Variants in SNX1 observed in about 807,000 individuals in gnomAD.
SNX1 encodes sorting nexin 1.
Under a neutral mutation model 71.8 loss-of-function variants are expected in SNX1, and 36 were observed. That is an observed-to-expected ratio of 0.50 (90% confidence interval 0.38 to 0.66). The LOEUF (loss-of-function observed/expected upper bound fraction) is 0.66. Ranked by LOEUF, SNX1 falls within the 30% of genes least tolerant of loss-of-function variation. The pLI, the probability that SNX1 is intolerant of heterozygous loss-of-function variation, is 0.00. For synonymous variants in SNX1, 254 were observed against 240.7 expected (o/e 1.06, Z -0.51); for missense variants, 612 against 646.7 (o/e 0.95, Z 0.58).
At chr15:64,113,534 C>G (rs1355788448) in intron 2 of SNX1, among the ~76,000 whole-genome samples, 2 of 152,126 alleles carry the variant, frequency 1.3e-5, no homozygotes, top group African/African-American at 4.8e-5. Flanking sequence ...CTAAAGTGAT[C>G]TTGGGCCAGG....
At chr15:64,128,219 C>T (rs550509368) in intron 8 of SNX1, among the ~76,000 whole-genome samples, 11 of 152,150 alleles carry the variant, frequency 7.2e-5, no homozygotes, top group Non-Finnish European at 1.2e-4. Flanking sequence ...ACAGGCTATG[C>T]GTAGGCTAGT....
chr15:64,128,865 G>A (rs2081279017), intron 8 of SNX1, among the ~76,000 whole-genome samples: 1 of 152,054 alleles, frequency 6.6e-6, no homozygotes, highest in Non-Finnish European at 1.5e-5. Flanking sequence ...ACTAGATCCA[G>A]GTAGCACCCC....
At chr15:64,096,255 C>A in intron 1 of SNX1, 83 bp downstream of exon 1, 1 of 1,470,466 alleles carries the variant, frequency 6.8e-7, no homozygotes, top group Non-Finnish European at 9.1e-7. Context: ...GGAGGTTGGG[C>A]AGAGTGGGCC....
chr15:64,132,206 G>T, intron 11 of SNX1: 1 of 364,192 alleles, frequency 2.7e-6, no homozygotes, highest in Non-Finnish European at 5.2e-6. Context: ...CTTGAAGCAA[G>T]GTTGCTTACA....
intron 11 of SNX1, among the ~76,000 whole-genome samples, chr15:64,133,099 T>C (rs978105209): frequency 1.3e-5 from 2 of 152,180 alleles, no homozygotes; most frequent in African/African-American, 4.8e-5. Context: ...TGGGGAAGTG[T>C]GCCTCATGGC....
intron 4 of SNX1, among the ~76,000 whole-genome samples, chr15:64,120,863 T>A (rs924953768): frequency 3.9e-5 from 6 of 152,150 alleles, no homozygotes; most frequent in Admixed American, 6.5e-5. Context: ...AATTTTTTTT[T>A]AATTTGAACT....
intron 4 of SNX1, among the ~76,000 whole-genome samples, chr15:64,120,426 C>A (rs1595991677): frequency 6.6e-6 from 1 of 151,902 alleles, no homozygotes; most frequent in South Asian, 2.1e-4. Flanking sequence ...ATGTGCATCA[C>A]CATGCCTGGC....
At chr15:64,110,137 A>G (rs149533239) in intron 1 of SNX1, among the ~76,000 whole-genome samples, 2 of 152,220 alleles carry the variant, frequency 1.3e-5, no homozygotes. Context: ...TTTTAATGAC[A>G]TGAGAAAATG....
intron 1 of SNX1, among the ~76,000 whole-genome samples, chr15:64,112,152 C>G (rs2081083660): frequency 6.6e-6 from 1 of 152,164 alleles, no homozygotes; most frequent in South Asian, 2.1e-4. Context: ...AACAGTTTAG[C>G]TGAGGCTACA....
chr15:64,129,842 A>G lies in SNX1; in HGVS notation c.808-74A>G. On this transcript the variant is annotated intron_variant, in intron 8 of 14. Transcript: ENST00000559844. The surrounding 1 kb of genome is among the most constrained non-coding windows in gnomAD (Gnocchi z 4.4). ...CTGGCAAGTTTTGGCATGCCATCTG[A>G]TGGATACTAATTCTTCTGAACCTAA... 9.2e-7 allele frequency: 1 copy of G among 1,090,424 alleles called. No individual in the cohort carries two copies. Among genetic ancestry groups the G allele is most frequent in the Non-Finnish European group, 1.4e-6 (1 of 706,502 alleles). 67.5% of individuals were successfully genotyped at this position (1,090,424 alleles called of 1,614,324 possible).
rs1261838310 is a variant in SNX1 at position 64,140,900 on chromosome 15, G to C, written c.*3282G>C. ...ATACCCAGCCAGAGAATGTTATTTA[G>C]AAACCAAGATCTGGGTGCCAAATGT... On this transcript the variant is annotated 3_prime_UTR_variant, in exon 15 of 15. Transcript: ENST00000559844. 2.0e-5 allele frequency: 3 copies of C among 152,130 alleles called. No homozygotes were observed. The East Asian group carries it at 5.8e-4, about 29-fold the overall frequency. 9.4% of individuals were successfully genotyped at this position (152,130 alleles called of 1,614,324 possible). A position where few individuals can be genotyped will look rare whatever the true frequency, so the allele number is the denominator to read the frequency against.
intron 1 of SNX1, among the ~76,000 whole-genome samples, chr15:64,097,422 A>G (rs2080914578): frequency 6.6e-6 from 1 of 152,086 alleles, no homozygotes; most frequent in African/African-American, 2.4e-5. Context: ...AATTGGCCTT[A>G]GATTCCTTGC....
chr15:64,117,137 T>G (rs890981058), intron 2 of SNX1, among the ~76,000 whole-genome samples: 2 of 152,220 alleles, frequency 1.3e-5, no homozygotes, highest in Non-Finnish European at 2.9e-5. Context: ...TGGCTCCATT[T>G]TTTTCTAGCT....
At chr15:64,109,611 G>A (rs4104357) in intron 1 of SNX1, among the ~76,000 whole-genome samples, 123,384 of 151,854 alleles carry the variant, frequency 0.81, 50,470 homozygotes, top group East Asian at 0.86. Context: ...GGTTCAAGCA[G>A]TTCTCCCTGC....
intron 4 of SNX1, among the ~76,000 whole-genome samples, chr15:64,120,617 G>T (rs776774743): frequency 2.0e-5 from 3 of 152,082 alleles, no homozygotes; most frequent in Non-Finnish European, 4.4e-5. Context: ...TTCAGGACCA[G>T]CCTGCCCAAC....
chr15:64,129,111 G>A lies in SNX1; in HGVS notation c.808-805G>A, dbSNP rs552170223. Among the ~76,000 whole-genome samples the A allele has an allele frequency of 2.6e-5, 4 of 152,226 alleles. No individual in the cohort carries two copies. The highest frequency in any genetic ancestry group is 6.5e-5 in the Admixed American group (1 of 15,294). ...AAAATACAAAAATTAGCGGGTCGTGGTGGCGGGCACCTATAATCCCAGCTA... is the reference window on the plus strand; with the variant it reads ...AAAATACAAAAATTAGCGGGTCGTGATGGCGGGCACCTATAATCCCAGCTA... On this transcript the variant is annotated intron_variant, in intron 8 of 14. Transcript: ENST00000559844. This position sits in a 1 kb window ranked among gnomAD's most constrained non-coding sequence, Gnocchi z 4.4.
chr15:64,122,559 T>C (rs1003373766), intron 4 of SNX1, among the ~76,000 whole-genome samples: 2 of 152,184 alleles, frequency 1.3e-5, no homozygotes, highest in African/African-American at 4.8e-5. Flanking sequence ...GATCCAGTAC[T>C]GCCTGCTCTT....
chr15:64,137,613 T>C lies in SNX1; in HGVS notation c.1564T>C (p.Ser522Pro). Residue 522 changes from serine to proline, a missense_variant, in exon 15 of 15, where the codon TCC becomes CCC. Around this residue, in one of 2 missense-constraint regions of SNX1, gnomAD observed 296 missense variants for 361.9 expected, o/e 0.82. Coordinates refer to ENST00000559844, the MANE Select transcript of SNX1 (RefSeq NM_003099.5). ...CTTCCTTCCTGAGGCAAAGGCCATC[T>C]CCTAATGGACCAAGGACCCCAGAGC... is the stretch of plus-strand genomic sequence containing the variant. ...EAFLPEAKAIS is the reference protein window; with the variant it reads ...EAFLPEAKAIP The C allele has an allele frequency of 6.2e-7, 1 of 1,614,188 alleles. No homozygotes were observed. The highest frequency in any genetic ancestry group is 8.5e-7 in the Non-Finnish European group (1 of 1,180,024).
intron 5 of SNX1, 138 bp downstream of exon 5, chr15:64,123,684 T>C: frequency 1.5e-6 from 1 of 680,678 alleles, no homozygotes; most frequent in Non-Finnish European, 2.5e-6. Flanking sequence ...AGAGCAAGCC[T>C]GCATCCCCTT....
Sources: gnomAD v4.1 joint callset for allele counts (sites outside exome capture counted in the v4.1 genomes callset) on GRCh38, gnomAD v4.1.1 for gene constraint, gnomAD v4.1.1 regional missense constraint, Gnocchi (gnomAD v3.1) non-coding constraint, MANE v1.5 for transcripts, NCBI Gene and HGNC (gene_info 2026-07-23, HGNC 2026-07-21) for gene names.